The following SHANK2 variants were observed in gnomAD, a reference collection of about 807,000 sequenced individuals.
SHANK2 encodes the protein SH3 and multiple ankyrin repeat domains protein 2.
In SHANK2, 43 loss-of-function variants were observed where a neutral mutation model predicts 133.7. The observed-to-expected ratio is 0.32, with a 90% CI of 0.25 to 0.41. The LOEUF is 0.41. Among genes scored for constraint, SHANK2 ranks in the 10% least tolerant of loss-of-function variants. The pLI, the probability that SHANK2 is intolerant of heterozygous loss-of-function variation, is 1.00. For missense variants in SHANK2, 1,994 were observed against 2,235.8 expected, an observed-to-expected ratio of 0.89 and a Z score of 2.18; for synonymous variants, 1,017 against 952.8, an observed-to-expected ratio of 1.07 and a Z score of -1.24.
At chr11:71,093,859 G>A (rs1385967155) in intron 7 of SHANK2, among the ~76,000 whole-genome samples, 1 of 152,228 alleles carries the variant, frequency 6.6e-6, no homozygotes, top group African/African-American at 2.4e-5. Context: ...CGTCTTGGGG[G>A]TCAACCTGCA....
chr11:70,717,353 G>C (rs934252697), intron 14 of SHANK2, among the ~76,000 whole-genome samples: 2 of 152,192 alleles, frequency 1.3e-5, no homozygotes, highest in Non-Finnish European at 2.9e-5. Flanking sequence ...GCCGCTCAAA[G>C]GGACCCTTGA....
intron 10 of SHANK2, among the ~76,000 whole-genome samples, chr11:70,904,185 G>T (rs528612626): frequency 6.6e-6 from 1 of 152,330 alleles, no homozygotes; most frequent in South Asian, 2.1e-4. Flanking sequence ...AGAAGGATCA[G>T]ACTGCCACAA....
At chr11:70,744,370 C>A (rs1300155293) in intron 14 of SHANK2, among the ~76,000 whole-genome samples, 1 of 152,204 alleles carries the variant, frequency 6.6e-6, no homozygotes, top group South Asian at 2.1e-4. Context: ...GGAACCCTGC[C>A]GGGCCCTCCT....
intron 9 of SHANK2, among the ~76,000 whole-genome samples, chr11:71,060,084 G>A (rs1368636061): frequency 1.3e-5 from 2 of 152,184 alleles, no homozygotes; most frequent in Non-Finnish European, 1.5e-5. Context: ...AAACCACCAT[G>A]GTTTCCCCAC....
chr11:70,858,617 C>A (rs1949207387), intron 11 of SHANK2, among the ~76,000 whole-genome samples: 2 of 152,248 alleles, frequency 1.3e-5, no homozygotes, highest in African/African-American at 4.8e-5. Flanking sequence ...ACACAACAGC[C>A]AAAGGATTCT....
chr11:70,497,020 TTC>T (rs1565538807), intron 21 of SHANK2: 2 of 456,722 alleles, frequency 4.4e-6, no homozygotes, highest in Admixed American at 4.7e-5. Context: ...AAAACAAATG[TTC>T]TTTTGAACTA....
intron 2 of SHANK2, among the ~76,000 whole-genome samples, chr11:71,165,739 T>C (rs1232809103): frequency 6.6e-6 from 1 of 152,192 alleles, no homozygotes; most frequent in African/African-American, 2.4e-5. Context: ...CAGCCAAGGT[T>C]GAGAACTGGC....
intron 17 of SHANK2, among the ~76,000 whole-genome samples, chr11:70,559,030 T>G (rs1554980260): frequency 6.6e-6 from 1 of 152,166 alleles, no homozygotes; most frequent in East Asian, 1.9e-4. Context: ...GCTATATTTT[T>G]TTTTCCAAGA....
chr11:70,569,698 T>C lies in SHANK2; in HGVS notation c.2062-66767A>G, dbSNP rs1327176616. Among the ~76,000 whole-genome samples, 4 of 152,016 alleles carry C rather than the reference T, an allele frequency of 2.6e-5. No homozygotes were observed. Among genetic ancestry groups the C allele is most frequent in the African/African-American group, 7.2e-5 (3 of 41,394 alleles). Reference sequence around the variant, plus strand: ...CAGGCCACAGTGATTGGTTGAGGGATGGTCATCCAGGCCAATCAGAATCCT... The same window carrying C: ...CAGGCCACAGTGATTGGTTGAGGGACGGTCATCCAGGCCAATCAGAATCCT... On this transcript the variant is annotated intron_variant, in intron 17 of 25. Coordinates refer to ENST00000601538, the MANE Select transcript of SHANK2 (RefSeq NM_012309.5). This position sits in a 1 kb window ranked among gnomAD's most constrained non-coding sequence, Gnocchi z 5.1.
intron 14 of SHANK2, among the ~76,000 whole-genome samples, chr11:70,793,636 TTTCATA>T (rs1555048507): frequency 6.6e-6 from 1 of 152,184 alleles, no homozygotes. Flanking sequence ...TAAGATATCA[TTTCATA>T]TCTATTAGAA....
intron 9 of SHANK2, among the ~76,000 whole-genome samples, chr11:71,065,831 C>A (rs1197355933): frequency 1.1e-3 from 37 of 34,940 alleles, no homozygotes; most frequent in East Asian, 4.5e-3. Context: ...AAGTTGGGGG[C>A]GGGGCATACA....
At chr11:70,842,483 T>C (rs929474840) in intron 11 of SHANK2, among the ~76,000 whole-genome samples, 4 of 152,190 alleles carry the variant, frequency 2.6e-5, no homozygotes, top group African/African-American at 9.7e-5. Flanking sequence ...TGTCTCTCCA[T>C]GTGCAAATGG....
chr11:70,752,037 A>G (rs1555037526), intron 14 of SHANK2, among the ~76,000 whole-genome samples: 1 of 152,246 alleles, frequency 6.6e-6, no homozygotes, highest in Non-Finnish European at 1.5e-5. Context: ...TAATAACATT[A>G]AATTTAAATG....
At chr11:70,873,159 C>T (rs975884500) in intron 11 of SHANK2, 1 of 467,020 alleles carries the variant, frequency 2.1e-6, no homozygotes. Flanking sequence ...AGAGCCGTTG[C>T]CACAGCAACC....
At chr11:71,214,783 T>C (rs144015901) in intron 2 of SHANK2, among the ~76,000 whole-genome samples, 86 of 152,286 alleles carry the variant, frequency 5.6e-4, no homozygotes, top group African/African-American at 1.9e-3. Flanking sequence ...CCCATGCAGC[T>C]GTCCTCTCGT....
At chr11:70,616,009 G>A (rs990891069) in intron 17 of SHANK2, among the ~76,000 whole-genome samples, 1 of 152,126 alleles carries the variant, frequency 6.6e-6, no homozygotes, top group Non-Finnish European at 1.5e-5. Flanking sequence ...CAGCGTGGAT[G>A]CCGAGACCAG....
chr11:70,770,750 G>A (rs531515306), intron 14 of SHANK2, among the ~76,000 whole-genome samples: 6 of 151,952 alleles, frequency 3.9e-5, no homozygotes, highest in Admixed American at 6.6e-5. Context: ...TCCTCTCTCC[G>A]AGGAAAAGTA....
intron 12 of SHANK2, among the ~76,000 whole-genome samples, chr11:70,813,276 T>G (rs569051929): frequency 3.2e-4 from 49 of 151,918 alleles, no homozygotes; most frequent in Non-Finnish European, 6.6e-4. Flanking sequence ...AGGGGACAGC[T>G]GGGTAGTGCA....
chr11:70,563,118 C>G (rs564506755), intron 17 of SHANK2, among the ~76,000 whole-genome samples: 28 of 152,316 alleles, frequency 1.8e-4, no homozygotes, highest in African/African-American at 6.5e-4. Context: ...ATCCGCCCAC[C>G]CTGGCCTCCC....
Sources: allele counts gnomAD v4.1 joint callset (sites outside exome capture counted in the v4.1 genomes callset), GRCh38; gene constraint gnomAD v4.1.1; non-coding constraint Gnocchi (gnomAD v3.1); transcripts MANE v1.5; gene names NCBI Gene and HGNC (gene_info 2026-07-23, HGNC 2026-07-21).